The following ZNF679 variants were observed in gnomAD, a reference collection of about 807,000 sequenced individuals.
ZNF679 encodes hypothetical protein MGC42415.
Under a neutral mutation model 13.4 loss-of-function variants are expected in ZNF679, and 10 were observed. The ratio of observed to expected loss-of-function variants is 0.75; its 90% CI spans 0.46 to 1.27. The LOEUF is 1.27. Ranked by LOEUF, ZNF679 falls within the 50% of genes most tolerant of loss-of-function variation. ZNF679 has a pLI of 0.00. For missense variants in ZNF679, 525 were observed against 477.8 expected (o/e 1.10, Z -0.92); for synonymous variants, 179 against 162.5 (o/e 1.10, Z -0.77).
chr7:64,266,657 CAT>C lies in ZNF679; in HGVS notation c.1026_1027del (p.His342GlnfsTer13), dbSNP rs1294492866. The C allele has an allele frequency of 1.2e-6, 2 of 1,613,572 alleles. No individual in the cohort carries two copies. Among genetic ancestry groups the C allele is most frequent in the South Asian group, 1.1e-5 (1 of 91,030 alleles). ...TAACTGCTCCTCAACCCTTAAGAAACATAAGATAATTCATACTGGAGAGAAAC... is the reference window on the plus strand; with the variant it reads ...TAACTGCTCCTCAACCCTTAAGAAACAAGATAATTCATACTGGAGAGAAAC... Reference protein sequence around the residue: ...AFNCSSTLKKHKIIHTGEKPY... With the variant: ...AFNCSSTLKKXKIIHTGEKPY... On this transcript the variant is annotated frameshift_variant, in exon 5 of 5. Coordinates refer to ENST00000421025, the MANE Select transcript of ZNF679 (RefSeq NM_153363.3). LOFTEE classifies it low-confidence loss of function (END_TRUNC).
At chr7:64,239,903 G>A (rs1022137149) in intron 1 of ZNF679, among the ~76,000 whole-genome samples, 1 of 152,044 alleles carries the variant, frequency 6.6e-6, no homozygotes, top group African/African-American at 2.4e-5. Flanking sequence ...CATATTGCTG[G>A]GCCCAGTACT....
Position 64,241,830 on chromosome 7 carries a change from C to T in ZNF679, c.-90-7198C>T, listed in dbSNP as rs568577450. 3.4e-4 allele frequency among the ~76,000 whole-genome samples: 52 copies of T among 152,236 alleles called. No individual in the cohort carries two copies. In the South Asian group the frequency reaches 6.4e-3, roughly 19 times the overall value. On this transcript the variant is annotated intron_variant, in intron 1 of 4. Transcript: ENST00000421025. ...AGAGAAACATAAATTTTGTGCATGG[C>T]CCAGGTATATGTTACAATCTTAACT...
chr7:64,234,939 G>A (rs1787688594), intron 1 of ZNF679, among the ~76,000 whole-genome samples: 1 of 152,162 alleles, frequency 6.6e-6, no homozygotes, highest in Non-Finnish European at 1.5e-5. Flanking sequence ...CAGGGTTCAA[G>A]CGATTCTTGC....
At chr7:64,264,048 G>A (rs1788111453) in intron 4 of ZNF679, among the ~76,000 whole-genome samples, 1 of 151,896 alleles carries the variant, frequency 6.6e-6, no homozygotes, top group Non-Finnish European at 1.5e-5. Flanking sequence ...AAACCCTGAT[G>A]TTATATATAC....
intron 1 of ZNF679, among the ~76,000 whole-genome samples, chr7:64,234,963 G>A (rs560668108): frequency 2.6e-5 from 4 of 151,994 alleles, no homozygotes; most frequent in Admixed American, 6.6e-5. Flanking sequence ...TCAGCCTCTC[G>A]AGTAGCTGGG....
chr7:64,235,457 T>C (rs1166010753), intron 1 of ZNF679, among the ~76,000 whole-genome samples: 2 of 151,522 alleles, frequency 1.3e-5, no homozygotes, highest in Non-Finnish European at 2.9e-5. Flanking sequence ...ACAAAATACT[T>C]GAAAAAGAAC....
intron 1 of ZNF679, among the ~76,000 whole-genome samples, chr7:64,242,609 C>A (rs1372594887): frequency 6.6e-6 from 1 of 152,190 alleles, no homozygotes; most frequent in Non-Finnish European, 1.5e-5. Flanking sequence ...GATTCAGGAA[C>A]TATTTTGCTC....
intron 1 of ZNF679, among the ~76,000 whole-genome samples, chr7:64,238,173 A>G (rs976507801): frequency 7.2e-5 from 11 of 152,108 alleles, no homozygotes; most frequent in African/African-American, 2.7e-4. Context: ...CTCCACCTCC[A>G]GTCTGAGCAA....
intron 1 of ZNF679, among the ~76,000 whole-genome samples, chr7:64,237,503 TAG>T (rs1377882775): frequency 2.0e-5 from 3 of 152,328 alleles, no homozygotes; most frequent in Admixed American, 6.5e-5. Flanking sequence ...TGCTGAAGAA[TAG>T]AGTCTCCATT....
chr7:64,262,855 T>C (rs909515690), intron 4 of ZNF679, among the ~76,000 whole-genome samples: 3 of 152,230 alleles, frequency 2.0e-5, no homozygotes, highest in African/African-American at 7.2e-5. Flanking sequence ...TTGATACAGA[T>C]TATATTAAAT....
chr7:64,236,922 G>GAAGAAAAGAAAGAAAGA, intron 1 of ZNF679, among the ~76,000 whole-genome samples: 2 of 85,398 alleles, frequency 2.3e-5, no homozygotes, highest in South Asian at 9.3e-4. Flanking sequence ...AAGAAAGAAA[G>GAAGAAAAGAAAGAAAGA]AAGAAAGAAA....
At chr7:64,251,969 T>C (rs1425939056) in intron 2 of ZNF679, among the ~76,000 whole-genome samples, 1 of 152,190 alleles carries the variant, frequency 6.6e-6, no homozygotes, top group Non-Finnish European at 1.5e-5. Context: ...AATCATATGC[T>C]GGTATTGAGG....
At chr7:64,229,046 T>C (rs188263669) in intron 1 of ZNF679, among the ~76,000 whole-genome samples, 1 of 152,282 alleles carries the variant, frequency 6.6e-6, no homozygotes, top group African/African-American at 2.4e-5. Context: ...GAGAACTTTA[T>C]GTTTTTATGG....
At chr7:64,246,107 C>G (rs11769553) in intron 1 of ZNF679, among the ~76,000 whole-genome samples, 31,668 of 152,176 alleles carry the variant, frequency 0.21, 4,154 homozygotes, top group Non-Finnish European at 0.27. Flanking sequence ...CCTCTCACCC[C>G]CTAAATCTTA....
At chr7:64,251,272 T>A (rs188644003) in intron 2 of ZNF679, among the ~76,000 whole-genome samples, 133 of 152,096 alleles carry the variant, frequency 8.7e-4, no homozygotes, top group African/African-American at 3.0e-3. Flanking sequence ...GCCAACATGA[T>A]GAAACCCCAT....
At chr7:64,259,859 C>G (rs1274882787) in intron 2 of ZNF679, among the ~76,000 whole-genome samples, 1 of 151,430 alleles carries the variant, frequency 6.6e-6, no homozygotes, top group Non-Finnish European at 1.5e-5. Flanking sequence ...ACCCAGGAGG[C>G]GTAGGTTTCA....
chr7:64,242,883 T>C (rs79030250), intron 1 of ZNF679, among the ~76,000 whole-genome samples: 4,932 of 152,218 alleles, frequency 0.032, 172 homozygotes, highest in East Asian at 0.17. Flanking sequence ...TTGCTGGGCC[T>C]GTAAGCTGGA....
chr7:64,246,006 C>G (rs998645459), intron 1 of ZNF679, among the ~76,000 whole-genome samples: 1 of 152,092 alleles, frequency 6.6e-6, no homozygotes, highest in South Asian at 2.1e-4. Context: ...GACTCCGTCT[C>G]AAAACAAACA....
At chr7:64,261,253 CTA>C (rs1414317664) in intron 4 of ZNF679, among the ~76,000 whole-genome samples, 3 of 145,420 alleles carry the variant, frequency 2.1e-5, no homozygotes, top group Non-Finnish European at 4.6e-5. Context: ...TTGAGAAACT[CTA>C]TGTTAAACCA....
Sources: allele counts gnomAD v4.1 joint callset (sites outside exome capture counted in the v4.1 genomes callset), GRCh38; gene constraint gnomAD v4.1.1; transcripts MANE v1.5; gene names NCBI Gene and HGNC (gene_info 2026-07-23, HGNC 2026-07-21).